The following ACER3 variants were observed in gnomAD, a reference collection of about 807,000 sequenced individuals.
ACER3 encodes alkCDase 3.
ACER3 carries 16 observed loss-of-function variants against 48.9 expected under a neutral mutation model. That is an observed-to-expected ratio of 0.33 (90% CI 0.22 to 0.50). ACER3 has a LOEUF of 0.50. Among genes scored for constraint, ACER3 ranks in the 20% least tolerant of loss-of-function variants. The probability of loss-of-function intolerance (pLI) is 0.98; values close to 1 mark genes in which losing one functional copy is unlikely to be tolerated. For synonymous variants in ACER3, 109 were observed against 107.8 expected, an observed-to-expected ratio of 1.01 and a Z score of -0.07; for missense variants, 227 against 326.0, an observed-to-expected ratio of 0.70 and a Z score of 2.34.
At chr11:76,967,035 G>C (rs1456824316) in intron 3 of ACER3, among the ~76,000 whole-genome samples, 4 of 152,128 alleles carry the variant, frequency 2.6e-5, no homozygotes, top group Admixed American at 1.3e-4. Flanking sequence ...TTTTTGAAAA[G>C]ATCAACAAAA....
intron 1 of ACER3, among the ~76,000 whole-genome samples, chr11:76,876,550 C>T (rs373449301): frequency 1.3e-5 from 2 of 152,104 alleles, no homozygotes; most frequent in African/African-American, 4.8e-5. Flanking sequence ...TATATATTTT[C>T]GTTTCTCATA....
chr11:76,970,197 A>G (rs1948260918), intron 3 of ACER3, among the ~76,000 whole-genome samples: 1 of 152,122 alleles, frequency 6.6e-6, no homozygotes, highest in Admixed American at 6.5e-5. Context: ...TTTCCCCATC[A>G]TGGCTAAAAA....
At chr11:76,930,715 G>A (rs1400785551) in intron 2 of ACER3, among the ~76,000 whole-genome samples, 14 of 151,936 alleles carry the variant, frequency 9.2e-5, no homozygotes, top group Non-Finnish European at 1.3e-4. Flanking sequence ...CCTTCATTTC[G>A]TTATGTACCC....
At chr11:76,893,867 T>C (rs2134632936) in intron 1 of ACER3, among the ~76,000 whole-genome samples, 1 of 152,352 alleles carries the variant, frequency 6.6e-6, no homozygotes, top group East Asian at 1.9e-4. Context: ...AAATGTCTGT[T>C]ATTTTAACTA....
intron 4 of ACER3, among the ~76,000 whole-genome samples, chr11:76,984,540 A>T (rs1175616242): frequency 6.6e-6 from 1 of 152,226 alleles, no homozygotes; most frequent in Non-Finnish European, 1.5e-5. Flanking sequence ...ATACCAAGTC[A>T]CAGTCCTCAA....
chr11:76,990,114 T>C (rs1948767897), intron 5 of ACER3, among the ~76,000 whole-genome samples: 1 of 152,250 alleles, frequency 6.6e-6, no homozygotes, highest in Non-Finnish European at 1.5e-5. Context: ...TCTAGTTAAA[T>C]TACTTATCCA....
chr11:76,933,848 A>C (rs2134868430), intron 2 of ACER3, among the ~76,000 whole-genome samples: 1 of 149,496 alleles, frequency 6.7e-6, no homozygotes, highest in East Asian at 2.0e-4. Flanking sequence ...CTCACTTCCC[A>C]GACGGGGCGG....
chr11:76,878,507 A>T (rs1285699830), intron 1 of ACER3, among the ~76,000 whole-genome samples: 1 of 152,064 alleles, frequency 6.6e-6, no homozygotes, highest in Non-Finnish European at 1.5e-5. Flanking sequence ...TATGTGTTGT[A>T]TCAGTAGTAT....
In ACER3 at chr11:76,879,874, G is replaced by T. The variant is rs547682848; in HGVS notation, c.103+18795G>T. 1.0e-4 allele frequency among the ~76,000 whole-genome samples: 15 copies of T among 146,116 alleles called. No homozygotes were observed. The South Asian group carries it at 3.1e-3, about 30-fold the overall frequency. ...TCTTTGTTCATAAGAGATTTTTTTTGACGTTTGTTTTTTGTTAGGTTTCTT... is the reference window on the plus strand; with the variant it reads ...TCTTTGTTCATAAGAGATTTTTTTTTACGTTTGTTTTTTGTTAGGTTTCTT... On this transcript the variant is annotated intron_variant, in intron 1 of 10. Transcript: ENST00000532485.
intron 1 of ACER3, among the ~76,000 whole-genome samples, chr11:76,868,431 GTA>G (rs1554989572): frequency 5.4e-5 from 8 of 148,524 alleles, no homozygotes; most frequent in African/African-American, 1.5e-4. Context: ...GTGTGTGTGT[GTA>G]TAGCCCATGG....
intron 2 of ACER3, among the ~76,000 whole-genome samples, chr11:76,956,871 A>T (rs1288711019): frequency 1.3e-5 from 2 of 151,934 alleles, no homozygotes; most frequent in Non-Finnish European, 2.9e-5. Flanking sequence ...TAACTATCTT[A>T]TTTCCCTCCT....
chr11:76,908,223 A>G (rs1946283848), intron 1 of ACER3, among the ~76,000 whole-genome samples: 1 of 152,332 alleles, frequency 6.6e-6, no homozygotes, highest in Non-Finnish European at 1.5e-5. Flanking sequence ...GCGACAGAGC[A>G]AGACTCCATC....
intron 4 of ACER3, among the ~76,000 whole-genome samples, chr11:76,979,478 C>T (rs1194067948): frequency 6.6e-6 from 1 of 152,104 alleles, no homozygotes; most frequent in Admixed American, 6.6e-5. Flanking sequence ...ATGGTGAAAA[C>T]CTGTCTCTGC....
chr11:76,891,259 A>T (rs1031806200), intron 1 of ACER3, among the ~76,000 whole-genome samples: 1 of 71,202 alleles, frequency 1.4e-5, no homozygotes, highest in African/African-American at 3.8e-5. Context: ...TATATATATA[A>T]TATATATATA....
chr11:76,984,010 G>A (rs766939782), intron 4 of ACER3, among the ~76,000 whole-genome samples: 2 of 151,820 alleles, frequency 1.3e-5, no homozygotes, highest in Non-Finnish European at 2.9e-5. Flanking sequence ...GACTGGTCTC[G>A]AACTCCTGAC....
At chr11:76,910,441 G>A (rs60501442) in intron 1 of ACER3, among the ~76,000 whole-genome samples, 3,213 of 152,074 alleles carry the variant, frequency 0.021, 116 homozygotes, top group African/African-American at 0.074. Flanking sequence ...TCAGAATAAA[G>A]GTGTTTTATC....
chr11:76,869,673 CT>C (rs59108043), intron 1 of ACER3, among the ~76,000 whole-genome samples: 152,223 of 152,224 alleles, frequency 1, 76,111 homozygotes, highest in Middle Eastern at 1. Context: ...TGGCAACCAC[CT>C]TTTCTACTTT....
chr11:76,929,197 C>T, intron 2 of ACER3, among the ~76,000 whole-genome samples: 1 of 152,002 alleles, frequency 6.6e-6, no homozygotes, highest in African/African-American at 2.4e-5. Flanking sequence ...AGTTGGATTC[C>T]TAGGTATTTT....
chr11:76,883,969 T>A (rs1311874117), intron 1 of ACER3, among the ~76,000 whole-genome samples: 1 of 152,198 alleles, frequency 6.6e-6, no homozygotes, highest in Non-Finnish European at 1.5e-5. Flanking sequence ...TAGTTTTGCT[T>A]CATTACCAAA....
Sources: gnomAD v4.1 joint callset for allele counts (sites outside exome capture counted in the v4.1 genomes callset) on GRCh38, gnomAD v4.1.1 for gene constraint, MANE v1.5 for transcripts, NCBI Gene and HGNC (gene_info 2026-07-23, HGNC 2026-07-21) for gene names.